The following VWF variants were observed in gnomAD, a reference collection of about 807,000 sequenced individuals.
VWF encodes von Willebrand factor, also known as Factor VIII related antigen.
Under a neutral mutation model 308.6 loss-of-function variants are expected in VWF, and 176 were observed. The ratio of observed to expected loss-of-function variants is 0.57; its 90% confidence interval spans 0.50 to 0.65. The LOEUF (loss-of-function observed/expected upper bound fraction) is 0.65, where lower values mean the gene tolerates loss of function less well. Ranked by LOEUF, VWF falls within the 30% of genes least tolerant of loss-of-function variation. The probability of loss-of-function intolerance (pLI) is 0.00; values close to 1 mark genes in which losing one functional copy is unlikely to be tolerated. For missense variants in VWF, 3,146 were observed against 3,648.2 expected (o/e 0.86, Z 3.55); for synonymous variants, 1,385 against 1,443.4 (o/e 0.96, Z 0.92).
Position 6,025,927 on chromosome 12 carries a change from C to A in VWF, c.3087G>T (p.Ser1029=). Residue 1029 remains serine (S), a synonymous_variant, in exon 23 of 52, where the codon TCG becomes TCT. Coordinates refer to ENST00000261405, the MANE Select transcript of VWF (RefSeq NM_000552.5). ...GTACTTTTCTGGTGTCAGCACACTG[C>A]GAGCTCACTTTCCAGGAGTTCCCAA... ...VDFGNSWKVS[S]QCADTRKVPL... The A allele has an allele frequency of 1.9e-6, 3 of 1,614,008 alleles. No individual in the cohort carries two copies. The highest frequency in any genetic ancestry group is 2.5e-6 in the Non-Finnish European group (3 of 1,179,884).
chr12:6,073,692 G>A lies in VWF; in HGVS notation c.924C>T (p.Cys308=), dbSNP rs557379500. Residue 308 remains cysteine (C), a synonymous_variant, in exon 8 of 52, where the codon TGC becomes TGT. Transcript: ENST00000261405. ...GMEYRQCVSP[C]ARTCQSLHIN... ...TGTGCAGGCTCTGGCAGGTCCTGGC[G>A]CAAGGGGACACACACTGCCTATACT... is the stretch of plus-strand genomic sequence containing the variant. 7.5e-5 allele frequency: 121 copies of A among 1,613,894 alleles called. No individual in the cohort carries two copies. The highest frequency in any genetic ancestry group is 9.7e-5 in the Non-Finnish European group (115 of 1,180,018).
intron 44 of VWF, 68 bp from the exon 45 acceptor site, chr12:5,969,459 T>C: frequency 1.3e-6 from 2 of 1,583,818 alleles, no homozygotes; most frequent in East Asian, 4.5e-5. Flanking sequence ...ATTGGGAATG[T>C]GCTCTTCTCT....
At chr12:5,998,205 T>TAATCAAACACATTATCATATCAAACAC (rs1426105841) in intron 34 of VWF, among the ~76,000 whole-genome samples, 6 of 151,956 alleles carry the variant, frequency 3.9e-5, no homozygotes, top group African/African-American at 9.7e-5. Flanking sequence ...CAGCTATTAA[T>TAATCAAACACATTATCATATCAAACAC]ATTGTCAAGT....
At chr12:6,093,211 A>G (rs1457191932) in intron 6 of VWF, among the ~76,000 whole-genome samples, 1 of 151,980 alleles carries the variant, frequency 6.6e-6, no homozygotes, top group Non-Finnish European at 1.5e-5. Context: ...GGCACAGCGT[A>G]GGTGTCGGGG....
rs11837584 is a variant in VWF, at chr12:6,073,642, C to A, written c.974G>T (p.Cys325Phe). The A allele has an allele frequency of 1.9e-4, 301 of 1,614,158 alleles. 1 individual carries two copies. The African/African-American group carries it at 3.5e-3, about 19-fold the overall frequency. The change falls in exon 8 of 52, where the codon TGC (cysteine) becomes TTC (phenylalanine). Residue 325 changes from cysteine to phenylalanine, a missense_variant. Physicochemically the swap from Cys to Phe is radical, Grantham distance 205. Coordinates refer to ENST00000261405, the MANE Select transcript of VWF (RefSeq NM_000552.5). ...LHINEMCQER[C>F]VDGCSCPEGQ... ...ACCAGGGCAGCTGCAGCCATCCACGCATCGCTCCTGACACATTTCATTGAT... is the reference window on the plus strand; with the variant it reads ...ACCAGGGCAGCTGCAGCCATCCACGAATCGCTCCTGACACATTTCATTGAT...
intron 6 of VWF, among the ~76,000 whole-genome samples, chr12:6,093,227 C>T (rs1052785078): frequency 2.6e-5 from 4 of 152,136 alleles, no homozygotes; most frequent in Non-Finnish European, 4.4e-5. Flanking sequence ...CGGGGCACAG[C>T]GTAGGTGCCC....
chr12:5,969,086 G>A lies in VWF; in HGVS notation c.7729+125C>T, dbSNP rs1943438661. 9 of 1,074,838 alleles carry A rather than the reference G, an allele frequency of 8.4e-6. No individual in the cohort carries two copies. In the East Asian group the frequency reaches 2.3e-4, roughly 28 times the overall value. The allele number at this position is 1,074,838 out of a possible 1,614,324, so 66.6% of individuals were successfully genotyped here. ...CTCATAAAAGCAGTAGGAGCAGATG[G>A]GAAGATTTCGGTCCTATCCATTTCC... On this transcript the variant is annotated intron_variant, in intron 45 of 51. Transcript: ENST00000261405.
chr12:6,101,551 C>T (rs966799403), intron 5 of VWF, among the ~76,000 whole-genome samples: 6 of 150,506 alleles, frequency 4.0e-5, no homozygotes, highest in African/African-American at 9.8e-5. Flanking sequence ...CCGAGGAGGG[C>T]AGATCACGAC....
intron 16 of VWF, among the ~76,000 whole-genome samples, chr12:6,051,454 G>A (rs1333494084): frequency 2.0e-5 from 3 of 151,970 alleles, no homozygotes; most frequent in African/African-American, 7.3e-5. Flanking sequence ...ACCACACCCA[G>A]CTAATTTTTT....
At chr12:6,070,989 C>G (rs1246068052) in intron 10 of VWF, among the ~76,000 whole-genome samples, 1 of 152,236 alleles carries the variant, frequency 6.6e-6, no homozygotes, top group Non-Finnish European at 1.5e-5. Flanking sequence ...TCAATCATGA[C>G]CATACAGGCC....
At chr12:5,961,679 A>G (rs12423482) in intron 47 of VWF, among the ~76,000 whole-genome samples, 6,746 of 152,002 alleles carry the variant, frequency 0.044, 201 homozygotes, top group South Asian at 0.12. Context: ...AACTGATTTT[A>G]TAAAAGCAAC....
rs1184715763 is a variant in VWF at position 6,016,782 on chromosome 12, G to C, written c.5142C>G (p.Ala1714=). The change falls in exon 29 of 52, where the codon GCC becomes GCG. Residue 1714 remains alanine, a synonymous_variant. Coordinates refer to ENST00000261405, the MANE Select transcript of VWF (RefSeq NM_000552.5). The stretch of plus-strand genomic sequence containing the variant: ...TATTGGCTTTTGAAATGAAAGCCTT[G>C]GCGAAACTCTTCATTTCATCAAAAT... ...ASYFDEMKSF[A]KAFISKANIG... is the part of the protein sequence containing the mutation. 1.2e-6 allele frequency: 2 copies of C among 1,614,120 alleles called. No individual in the cohort carries two copies. Among genetic ancestry groups the C allele is most frequent in the Admixed American group, 3.3e-5 (2 of 60,026 alleles).
At chr12:6,006,420 T>C (rs1943927497) in intron 34 of VWF, among the ~76,000 whole-genome samples, 1 of 152,144 alleles carries the variant, frequency 6.6e-6, no homozygotes, top group Non-Finnish European at 1.5e-5. Flanking sequence ...ATAGTTACTT[T>C]AAGTATAAGT....
At chr12:6,114,123 C>A (rs1376674394) in intron 3 of VWF, among the ~76,000 whole-genome samples, 2 of 152,222 alleles carry the variant, frequency 1.3e-5, no homozygotes, top group African/African-American at 4.8e-5. Context: ...GCATCTCCCT[C>A]CTGGAAATGG....
intron 47 of VWF, among the ~76,000 whole-genome samples, chr12:5,959,708 A>G (rs1338470695): frequency 6.6e-6 from 1 of 152,146 alleles, no homozygotes; most frequent in Non-Finnish European, 1.5e-5. Flanking sequence ...ACAATAAAGT[A>G]TTGAAAAACA....
At chr12:6,076,983 G>T (rs957448164) in intron 6 of VWF, among the ~76,000 whole-genome samples, 1 of 152,120 alleles carries the variant, frequency 6.6e-6, no homozygotes, top group Non-Finnish European at 1.5e-5. Context: ...GGGCCCTGCC[G>T]CTTGCTAGGC....
At chr12:6,013,340 G>GGTCTATATAA (rs1271757781) in intron 32 of VWF, 141 bp downstream of exon 32, 5 of 1,050,544 alleles carry the variant, frequency 4.8e-6, no homozygotes, top group African/African-American at 3.1e-5. Context: ...TAAAGGTCCT[G>GGTCTATATAA]GTCTATATAA....
intron 10 of VWF, among the ~76,000 whole-genome samples, chr12:6,066,570 G>C (rs1944717352): frequency 6.6e-6 from 1 of 152,252 alleles, no homozygotes; most frequent in Non-Finnish European, 1.5e-5. Flanking sequence ...AACAGCGGAA[G>C]CTTGGCTGTC....
At chr12:6,119,631 A>G (rs1441680581) in intron 3 of VWF, among the ~76,000 whole-genome samples, 1 of 152,160 alleles carries the variant, frequency 6.6e-6, no homozygotes, top group Non-Finnish European at 1.5e-5. Context: ...GGATCACCTG[A>G]GGTCAGGAGT....
Sources: allele counts gnomAD v4.1 joint callset (sites outside exome capture counted in the v4.1 genomes callset), GRCh38; gene constraint gnomAD v4.1.1; transcripts MANE v1.5; gene names NCBI Gene and HGNC (gene_info 2026-07-23, HGNC 2026-07-21).